Variants in ZFYVE9 observed in about 807,000 individuals in gnomAD.
ZFYVE9 encodes zinc finger FYVE domain-containing protein 9.
In ZFYVE9, 43 loss-of-function variants were observed where a neutral mutation model predicts 126.7. That is an observed-to-expected ratio of 0.34 (90% CI 0.27 to 0.44). The LOEUF (loss-of-function observed/expected upper bound fraction) is 0.44. Ranked by LOEUF, ZFYVE9 falls within the 20% of genes least tolerant of loss-of-function variation. The pLI is 1.00. For synonymous variants in ZFYVE9, 521 were observed against 597.4 expected (o/e 0.87, Z 1.87); for missense variants, 1,476 against 1,697.0 (o/e 0.87, Z 2.29).
At chr1:52,245,106 C>T (rs760992851) in intron 4 of ZFYVE9, among the ~76,000 whole-genome samples, 9 of 151,040 alleles carry the variant, frequency 6.0e-5, no homozygotes, top group East Asian at 1.9e-4. Flanking sequence ...TGCAGTGAGC[C>T]GAGATCGAGA....
intron 4 of ZFYVE9, among the ~76,000 whole-genome samples, chr1:52,245,906 A>G (rs1429446312): frequency 1.3e-5 from 2 of 152,186 alleles, no homozygotes; most frequent in African/African-American, 2.4e-5. Flanking sequence ...TCTGAGAGAA[A>G]TGTCTGCATT....
intron 1 of ZFYVE9, among the ~76,000 whole-genome samples, chr1:52,144,694 A>G (rs979704045): frequency 1.5e-4 from 22 of 151,182 alleles, no homozygotes; most frequent in Admixed American, 6.6e-5. Flanking sequence ...GTAGTAAATA[A>G]TCTTAGAAAG....
At position 52,268,604 on chromosome 1, in the gene ZFYVE9, C is replaced by G; in HGVS notation, c.2597C>G (p.Pro866Arg). 6.2e-7 allele frequency: 1 copy of G among 1,614,160 alleles called. No homozygotes were observed. The highest frequency in any genetic ancestry group is 8.5e-7 in the Non-Finnish European group (1 of 1,180,020). The change falls in exon 7 of 19, where the codon CCA becomes CGA. Residue 866 changes from proline (P) to arginine (R), a missense_variant. Around this residue, in one of 2 missense-constraint regions of ZFYVE9, gnomAD observed 669 missense variants for 902.4 expected, o/e 0.74. Transcript: ENST00000287727. ...TLAVSHDPVK[P>R]VTTSPLPAET... Reference sequence around the variant, plus strand: ...GCTGTGTCACACGACCCAGTCAAGCCAGTAACTACCAGTCCTCTACCAGCA... The same window carrying G: ...GCTGTGTCACACGACCCAGTCAAGCGAGTAACTACCAGTCCTCTACCAGCA...
At chr1:52,143,937 C>T (rs924948801) in intron 1 of ZFYVE9, among the ~76,000 whole-genome samples, 1 of 152,086 alleles carries the variant, frequency 6.6e-6, no homozygotes, top group African/African-American at 2.4e-5. Context: ...GCTTCATTAC[C>T]AGTTATTTGG....
rs765077232 is a variant in ZFYVE9, at chr1:52,288,648, C to T, written c.3026-4805C>T. ...TAGAAATTTATTTATTGGCCGGGTG[C>T]GGTGGGTCACGCCTGTAATCCCAAC... On this transcript the variant is annotated intron_variant, in intron 10 of 18. Transcript: ENST00000287727. Among the ~76,000 whole-genome samples the T allele has an allele frequency of 3.2e-4, 48 of 152,128 alleles. 1 individual carries two copies. In the Middle Eastern group the frequency reaches 0.02, roughly 65 times the overall value.
intron 13 of ZFYVE9, among the ~76,000 whole-genome samples, chr1:52,319,250 G>A (rs548395237): frequency 7.2e-5 from 11 of 152,300 alleles, no homozygotes; most frequent in African/African-American, 2.4e-4. Context: ...GGTAGACTCA[G>A]TACTGTTAAG....
chr1:52,179,986 T>C (rs187589305), intron 1 of ZFYVE9: 200 of 930,274 alleles, frequency 2.1e-4, no homozygotes, highest in Non-Finnish European at 3.0e-4. Context: ...TAGGAAGATA[T>C]GACTTTGGAA....
At chr1:52,263,016 C>T (rs961311183) in intron 4 of ZFYVE9, among the ~76,000 whole-genome samples, 1 of 146,724 alleles carries the variant, frequency 6.8e-6, no homozygotes, top group African/African-American at 2.6e-5. Flanking sequence ...GTGGAGGTTG[C>T]AGCAGTGAAC....
chr1:52,292,298 A>AC (rs1466375157), intron 10 of ZFYVE9, among the ~76,000 whole-genome samples: 1 of 150,688 alleles, frequency 6.6e-6, no homozygotes, highest in African/African-American at 2.4e-5. Flanking sequence ...AAAAAAAAAA[A>AC]CAAAACGAGA....
At chr1:52,339,845 A>G (rs1402551583) in intron 16 of ZFYVE9, among the ~76,000 whole-genome samples, 1 of 152,218 alleles carries the variant, frequency 6.6e-6, no homozygotes. Flanking sequence ...AGGTTTGATT[A>G]ATCAATTTCT....
At position 52,210,060 on chromosome 1, in the gene ZFYVE9, G is replaced by A. The variant is rs542962365; in HGVS notation, c.-142-6309G>A. ...TGGAGAGAAGTGGATGGATTTGAAA[G>A]ATTTAAGAGGTAAGATTGATAAGAC... is the stretch of plus-strand genomic sequence containing the variant. On this transcript the variant is annotated intron_variant, in intron 1 of 18. Transcript: ENST00000287727. Among the ~76,000 whole-genome samples the A allele has an allele frequency of 2.2e-4, 33 of 152,260 alleles. No homozygotes were observed. In the South Asian group the frequency reaches 3.3e-3, roughly 15 times the overall value.
At chr1:52,192,182 G>T (rs1392469044) in intron 1 of ZFYVE9, among the ~76,000 whole-genome samples, 1 of 152,092 alleles carries the variant, frequency 6.6e-6, no homozygotes, top group African/African-American at 2.4e-5. Context: ...GATTACTTTG[G>T]CTACTTTCAT....
At chr1:52,256,634 A>G (rs1194666736) in intron 4 of ZFYVE9, among the ~76,000 whole-genome samples, 1 of 150,298 alleles carries the variant, frequency 6.7e-6, no homozygotes, top group Non-Finnish European at 1.5e-5. Context: ...TCTGAATTAG[A>G]GATCTCTTTT....
intron 13 of ZFYVE9, among the ~76,000 whole-genome samples, chr1:52,326,688 A>G (rs1646294781): frequency 1.2e-5 from 1 of 86,612 alleles, no homozygotes; most frequent in South Asian, 4.4e-4. Flanking sequence ...GTCTCTACTC[A>G]ATACCAAAAA....
chr1:52,292,388 A>C (rs986184103), intron 10 of ZFYVE9, among the ~76,000 whole-genome samples: 1 of 151,390 alleles, frequency 6.6e-6, no homozygotes, highest in African/African-American at 2.4e-5. Flanking sequence ...TATTACCATA[A>C]TTCATTATGT....
chr1:52,223,549 C>T (rs969338935), intron 2 of ZFYVE9, among the ~76,000 whole-genome samples: 1 of 152,040 alleles, frequency 6.6e-6, no homozygotes, highest in Non-Finnish European at 1.5e-5. Flanking sequence ...AATGTCTGGC[C>T]AACTATTGGT....
Position 52,337,823 on chromosome 1 carries a change from C to T in ZFYVE9, c.3722C>T (p.Ala1241Val), listed in dbSNP as rs780105892. 1.2e-6 allele frequency: 2 copies of T among 1,614,116 alleles called. No homozygotes were observed. Among genetic ancestry groups the T allele is most frequent in the Non-Finnish European group, 1.7e-6 (2 of 1,180,048 alleles). ...TAENMDSLRQALREMKDFTIT... is the reference protein window; with the variant it reads ...TAENMDSLRQVLREMKDFTIT... Reference sequence around the variant, plus strand: ...GAGAACATGGATTCCTTGAGGCAGGCACTGCGAGAGATGAAGGACTTCACC... The same window carrying T: ...GAGAACATGGATTCCTTGAGGCAGGTACTGCGAGAGATGAAGGACTTCACC... Residue 1241 changes from alanine to valine, a missense_variant, in exon 16 of 19, where the codon GCA (alanine) becomes GTA (valine). Coordinates refer to ENST00000287727, the MANE Select transcript of ZFYVE9 (RefSeq NM_004799.4).
At chr1:52,226,303 G>A (rs540624554) in intron 2 of ZFYVE9, among the ~76,000 whole-genome samples, 6 of 152,238 alleles carry the variant, frequency 3.9e-5, no homozygotes, top group African/African-American at 9.6e-5. Flanking sequence ...TCTGCAGCTC[G>A]ACTTCACAGA....
At chr1:52,210,844 G>A (rs934764114) in intron 1 of ZFYVE9, among the ~76,000 whole-genome samples, 13 of 149,918 alleles carry the variant, frequency 8.7e-5, no homozygotes, top group Admixed American at 2.0e-4. Flanking sequence ...TAGTAGAGAC[G>A]GGGTTTCGCC....
Sources: gnomAD v4.1 joint callset for allele counts (sites outside exome capture counted in the v4.1 genomes callset) on GRCh38, gnomAD v4.1.1 for gene constraint, gnomAD v4.1.1 regional missense constraint, MANE v1.5 for transcripts, NCBI Gene and HGNC (gene_info 2026-07-23, HGNC 2026-07-21) for gene names.